The following NBAS variants were observed in gnomAD, a reference collection of about 807,000 sequenced individuals.
The protein encoded by NBAS is NBAS subunit of NRZ tethering complex, also known as NAG/BC035112 fusion.
NBAS carries 219 observed loss-of-function variants against 302.5 expected under a neutral mutation model. The ratio of observed to expected loss-of-function variants is 0.72; its 90% CI spans 0.65 to 0.81. NBAS has a LOEUF of 0.81. Ranked by LOEUF, NBAS falls within the 30% of genes least tolerant of loss-of-function variation. NBAS has a pLI of 0.00. For missense variants in NBAS, 2,932 were observed against 2,841.6 expected (o/e 1.03, Z -0.72); for synonymous variants, 1,118 against 1,021.6 (o/e 1.09, Z -1.80).
the NBAS span, among the ~76,000 whole-genome samples, chr2:14,915,657 G>T: frequency 6.6e-6 from 1 of 152,222 alleles, no homozygotes; most frequent in Admixed American, 6.5e-5. Flanking sequence ...CTGTCTCCCG[G>T]GTTCAAGCAA....
chr2:15,421,862 T>C (rs1487286568), intron 23 of NBAS, among the ~76,000 whole-genome samples: 1 of 152,168 alleles, frequency 6.6e-6, no homozygotes, highest in Admixed American at 6.5e-5. Context: ...TGCCATAAAA[T>C]TGAGCTAAAA....
At chr2:15,504,844 A>C (rs1661766222) in intron 10 of NBAS, among the ~76,000 whole-genome samples, 2 of 152,256 alleles carry the variant, frequency 1.3e-5, no homozygotes, top group South Asian at 4.1e-4. Flanking sequence ...CATACGACCC[A>C]GCAATTCCAT....
chr2:15,312,495 T>A (rs552581941), intron 38 of NBAS, among the ~76,000 whole-genome samples: 2 of 152,246 alleles, frequency 1.3e-5, no homozygotes, highest in East Asian at 3.9e-4. Context: ...CAAGCTGGTC[T>A]TGAACTGATG....
intron 43 of NBAS, 108 bp from the exon 44 acceptor site, chr2:15,275,926 A>G: frequency 1.0e-6 from 1 of 958,664 alleles, no homozygotes; most frequent in Non-Finnish European, 1.6e-6. Context: ...GCAAAGATCT[A>G]TCAACTTAGC....
chr2:15,475,819 T>C lies in NBAS; in HGVS notation c.1209A>G (p.Leu403=). 6.2e-7 allele frequency: 1 copy of C among 1,614,084 alleles called. No individual in the cohort carries two copies. Among genetic ancestry groups the C allele is most frequent in the South Asian group, 1.1e-5 (1 of 91,076 alleles). ...CAGTTAAAGCACCAGAGCATCGAGC[T>C]AAAGTCACTGCACTGTCTGCCCACC... ...VNWWADSAVT[L]ARCSGALTVS... is the part of the protein sequence containing the mutation. Residue 403 remains leucine, a synonymous_variant, in exon 14 of 52, where the codon TTA becomes TTG. Coordinates refer to ENST00000281513, the MANE Select transcript of NBAS (RefSeq NM_015909.4).
chr2:14,870,362 GAAGAA>G, the NBAS span, among the ~76,000 whole-genome samples: 1 of 152,210 alleles, frequency 6.6e-6, no homozygotes, highest in Admixed American at 6.5e-5. Context: ...TCATGGGTTT[GAAGAA>G]ACTACCAAGT....
rs111997258 is a variant in NBAS at position 15,396,353 on chromosome 2, T to A, written c.3134+60A>T. 1.8e-3 allele frequency: 2,503 copies of A among 1,371,144 alleles called. 34 individuals carry two copies. In the African/African-American group the frequency reaches 0.021, roughly 11 times the overall value. The allele number at this position is 1,371,144 out of a possible 1,614,324, so 84.9% of individuals were successfully genotyped here. On this transcript the variant is annotated intron_variant, in intron 27 of 51. Coordinates refer to ENST00000281513, the MANE Select transcript of NBAS (RefSeq NM_015909.4). ...ACTCACAGGCAGACTTAATGTGACA[T>A]TTCTTGGACAAATTCCCTTAATAAG...
Position 15,266,160 on chromosome 2 carries a change from G to C in NBAS, c.5724+9324C>G, listed in dbSNP as rs73195001. On this transcript the variant is annotated intron_variant, in intron 44 of 51. Coordinates refer to ENST00000281513, the MANE Select transcript of NBAS (RefSeq NM_015909.4). ...TCTCTTTCCTGCCACCCTGTGAAAA[G>C]GTGCCTTCCTCCATGATTGTAAGTT... 9.8e-3 allele frequency among the ~76,000 whole-genome samples: 1,488 copies of C among 152,208 alleles called. 24 individuals are homozygous for C. The highest frequency in any genetic ancestry group is 0.034 in the African/African-American group (1,411 of 41,550).
the NBAS span, among the ~76,000 whole-genome samples, chr2:15,057,859 T>C: frequency 3.3e-5 from 5 of 152,230 alleles, no homozygotes; most frequent in African/African-American, 9.6e-5. Flanking sequence ...GATTTTGCTA[T>C]TGTGAATTGT....
At chr2:15,390,832 C>A (rs1049314518) in intron 28 of NBAS, among the ~76,000 whole-genome samples, 1 of 151,876 alleles carries the variant, frequency 6.6e-6, no homozygotes, top group African/African-American at 2.4e-5. Context: ...AATTATTTTG[C>A]GGCCAGGCGT....
intron 47 of NBAS, among the ~76,000 whole-genome samples, chr2:15,229,075 C>T (rs1026398759): frequency 6.6e-6 from 1 of 152,098 alleles, no homozygotes; most frequent in African/African-American, 2.4e-5. Context: ...GGCGTTGTGG[C>T]TCATGCCTGT....
chr2:14,997,438 C>T, the NBAS span, among the ~76,000 whole-genome samples: 6 of 150,034 alleles, frequency 4.0e-5, no homozygotes, highest in Non-Finnish European at 8.9e-5. Context: ...TGACCCAACG[C>T]CAGGCCCTGT....
chr2:15,434,220 AAG>A (rs1465592041), intron 21 of NBAS, among the ~76,000 whole-genome samples: 2 of 152,128 alleles, frequency 1.3e-5, no homozygotes, highest in Non-Finnish European at 2.9e-5. Context: ...TCAACAAAAC[AAG>A]AGAGATAAAC....
chr2:15,004,859 G>C, the NBAS span, among the ~76,000 whole-genome samples: 7 of 152,018 alleles, frequency 4.6e-5, no homozygotes, highest in African/African-American at 1.7e-4. Context: ...GGATCAGTGA[G>C]TGACAGATAT....
At chr2:15,293,117 C>T (rs1670387053) in intron 40 of NBAS, among the ~76,000 whole-genome samples, 1 of 152,218 alleles carries the variant, frequency 6.6e-6, no homozygotes, top group South Asian at 2.1e-4. Flanking sequence ...TGATCACTCA[C>T]AGTAACTCAC....
At chr2:15,327,917 C>T in intron 37 of NBAS, 47 bp from the exon 38 acceptor site, 1 of 1,610,094 alleles carries the variant, frequency 6.2e-7, no homozygotes. Flanking sequence ...GCCTTTTGTC[C>T]TACAAACATA....
the NBAS span, among the ~76,000 whole-genome samples, chr2:14,982,803 G>T: frequency 1.3e-5 from 2 of 151,914 alleles, no homozygotes; most frequent in Non-Finnish European, 2.9e-5. Context: ...AAAATAACAC[G>T]GTTACAAAAA....
At chr2:15,177,447 A>C (rs567890210) in intron 51 of NBAS, among the ~76,000 whole-genome samples, 5 of 152,224 alleles carry the variant, frequency 3.3e-5, no homozygotes, top group Non-Finnish European at 7.3e-5. Context: ...TGACAGATGC[A>C]TTTGAGATAA....
At chr2:15,476,477 C>A (rs938189948) in intron 13 of NBAS, among the ~76,000 whole-genome samples, 1 of 152,024 alleles carries the variant, frequency 6.6e-6, no homozygotes, top group African/African-American at 2.4e-5. Flanking sequence ...AATCCCAGCA[C>A]TTTGGGAGGC....
Sources: allele counts gnomAD v4.1 joint callset (sites outside exome capture counted in the v4.1 genomes callset), GRCh38; gene constraint gnomAD v4.1.1; transcripts MANE v1.5; gene names NCBI Gene and HGNC (gene_info 2026-07-23, HGNC 2026-07-21).